Variants in SLC18A1 observed in about 807,000 individuals in gnomAD.
SLC18A1 encodes the protein solute carrier family 18 member A1.
SLC18A1 carries 69 observed loss-of-function variants against 53.7 expected under a neutral mutation model. The ratio of observed to expected loss-of-function variants is 1.28; its 90% CI spans 1.06 to 1.57. The LOEUF (loss-of-function observed/expected upper bound fraction) is 1.57. SLC18A1 is among the 40% of genes most tolerant of loss of function. The pLI, the probability that SLC18A1 is intolerant of heterozygous loss-of-function variation, is 0.00. For missense variants in SLC18A1, 932 were observed against 668.1 expected (o/e 1.40, Z -4.35); for synonymous variants, 320 against 248.1 (o/e 1.29, Z -2.72).
intron 8 of SLC18A1, among the ~76,000 whole-genome samples, chr8:20,170,746 T>A (rs1025766449): frequency 6.6e-6 from 1 of 150,924 alleles, no homozygotes; most frequent in African/African-American, 2.4e-5. Context: ...TAGCTATAAT[T>A]ACATGTGTGT....
At chr8:20,159,676 A>G (rs1016882700) in intron 10 of SLC18A1, among the ~76,000 whole-genome samples, 12 of 151,266 alleles carry the variant, frequency 7.9e-5, no homozygotes, top group African/African-American at 2.9e-4. Flanking sequence ...AAGAAAAAGA[A>G]AAGAAAAGAA....
chr8:20,175,234 T>G (rs1364738087), intron 4 of SLC18A1: 1 of 152,156 alleles, frequency 6.6e-6, no homozygotes, highest in African/African-American at 2.4e-5. Context: ...ACATCTCCAT[T>G]ATCCTATTCT....
At chr8:20,148,372 C>G (rs1415334375) in intron 12 of SLC18A1, 5 of 1,014,962 alleles carry the variant, frequency 4.9e-6, no homozygotes, top group Admixed American at 2.5e-5. Flanking sequence ...GGGTCTTCCT[C>G]TGTTCCATGG....
intron 7 of SLC18A1, 86 bp downstream of exon 7, chr8:20,171,319 T>G: frequency 7.4e-7 from 1 of 1,342,958 alleles, no homozygotes; most frequent in Non-Finnish European, 1.1e-6. Flanking sequence ...AAACCGCCCA[T>G]TCTTAGTGAA....
At chr8:20,180,619 AC>A (rs2072400672) in intron 2 of SLC18A1, among the ~76,000 whole-genome samples, 1 of 151,952 alleles carries the variant, frequency 6.6e-6, no homozygotes, top group South Asian at 2.1e-4. Context: ...CCCTCTCTGG[AC>A]CTCCTGCTCT....
At chr8:20,165,222 T>A in intron 8 of SLC18A1, 115 bp from the exon 9 acceptor site, 2 of 902,510 alleles carry the variant, frequency 2.2e-6, no homozygotes, top group Non-Finnish European at 3.5e-6. Context: ...AGTATCTCCT[T>A]TACTGCAGAG....
In SLC18A1 at chr8:20,145,682, G is replaced by T; in HGVS notation, c.*81C>A. On this transcript the variant is annotated 3_prime_UTR_variant, in exon 16 of 16. Coordinates refer to ENST00000276373, the MANE Select transcript of SLC18A1 (RefSeq NM_003053.4). Reference sequence around the variant, plus strand: ...AGAGGTATGTGAAGCCCACTGAGCCGTGGGCTCAGCCATGGTGATCTGGTC... The same window carrying T: ...AGAGGTATGTGAAGCCCACTGAGCCTTGGGCTCAGCCATGGTGATCTGGTC... The T allele has an allele frequency of 1.2e-6, 1 of 828,552 alleles. No individual in the cohort carries two copies. The highest frequency in any genetic ancestry group is 1.9e-6 in the Non-Finnish European group (1 of 515,116). 51.3% of individuals were successfully genotyped at this position (828,552 alleles called of 1,614,324 possible).
intron 8 of SLC18A1, among the ~76,000 whole-genome samples, chr8:20,166,092 C>CTGTA (rs2071950775): frequency 3.3e-5 from 5 of 151,374 alleles, no homozygotes; most frequent in Non-Finnish European, 1.5e-5. Context: ...TACAATAAAC[C>CTGTA]CTTTGACCCA....
At chr8:20,147,191 A>T in intron 15 of SLC18A1, 67 bp downstream of exon 15, 1 of 1,522,932 alleles carries the variant, frequency 6.6e-7, no homozygotes, top group Non-Finnish European at 8.8e-7. Context: ...CCAGGATGAA[A>T]GGGAATGAGA....
rs919970958 is a variant in SLC18A1 at position 20,161,489 on chromosome 8, C to T, written c.1015+3380G>A. ...GAAATGATTATAGTACATGGAAGTA[C>T]GTGTGTAGATTATATGCAAATACGA... On this transcript the variant is annotated intron_variant, in intron 10 of 15. Transcript: ENST00000276373. 5.3e-5 allele frequency among the ~76,000 whole-genome samples: 8 copies of T among 152,240 alleles called. No individual in the cohort carries two copies. The South Asian group carries it at 1.0e-3, about 20-fold the overall frequency.
rs1347742469 is a variant in SLC18A1 at position 20,149,724 on chromosome 8, C to T, written c.1098G>A (p.Trp366Ter). The change falls in exon 12 of 16, where the codon TGG (tryptophan) becomes TGA (stop). Residue 366 changes from tryptophan to a stop codon, truncating the protein, a stop_gained. Coordinates refer to ENST00000276373, the MANE Select transcript of SLC18A1 (RefSeq NM_003053.4). LOFTEE classifies it high-confidence loss of function. ...CCAGCATCCCGATTAGGGAACACAG[C>T]CACCTGGAAGAAAAAAGCCATCATC... ...FGVLANKMGR[W>*]LCSLIGMLVV... The T allele has an allele frequency of 2.5e-6, 4 of 1,613,764 alleles. No individual in the cohort carries two copies. Among genetic ancestry groups the T allele is most frequent in the Middle Eastern group, 1.7e-4 (1 of 6,060 alleles).
chr8:20,168,548 A>C (rs2072031141), intron 8 of SLC18A1, among the ~76,000 whole-genome samples: 1 of 152,042 alleles, frequency 6.6e-6, no homozygotes, highest in South Asian at 2.1e-4. Flanking sequence ...ATATAAAGAG[A>C]GTAAGAAAGG....
chr8:20,160,082 A>G (rs891954818), intron 10 of SLC18A1, among the ~76,000 whole-genome samples: 2 of 151,954 alleles, frequency 1.3e-5, no homozygotes, highest in African/African-American at 2.4e-5. Flanking sequence ...ACAATCAACC[A>G]TTTATTGGCT....
chr8:20,172,784 G>A (rs537062134), intron 6 of SLC18A1, among the ~76,000 whole-genome samples: 12 of 152,340 alleles, frequency 7.9e-5, no homozygotes, highest in African/African-American at 2.9e-4. Context: ...CCGAGGCGAA[G>A]CAGTGGCCTC....
intron 12 of SLC18A1, 106 bp from the exon 13 acceptor site, chr8:20,148,176 G>T: frequency 1.1e-6 from 1 of 931,116 alleles, no homozygotes; most frequent in Non-Finnish European, 1.7e-6. Flanking sequence ...TGCACTATTG[G>T]CCACATACAT....
chr8:20,162,373 T>A (rs1025905651), intron 10 of SLC18A1, among the ~76,000 whole-genome samples: 2 of 152,226 alleles, frequency 1.3e-5, no homozygotes, highest in African/African-American at 4.8e-5. Context: ...CTTGGTGTGC[T>A]CTCCTAAAGA....
At chr8:20,146,285 TG>T (rs941850314) in intron 15 of SLC18A1, among the ~76,000 whole-genome samples, 6 of 152,156 alleles carry the variant, frequency 3.9e-5, no homozygotes, top group African/African-American at 1.4e-4. Context: ...AGGCTGGCAT[TG>T]CTAAGTACTC....
chr8:20,167,525 G>C (rs904819725), intron 8 of SLC18A1, among the ~76,000 whole-genome samples: 5 of 152,036 alleles, frequency 3.3e-5, no homozygotes, highest in African/African-American at 1.2e-4. Context: ...GTACAAACTT[G>C]TGTGTGTGTA....
At chr8:20,164,094 C>G (rs529003404) in intron 10 of SLC18A1, among the ~76,000 whole-genome samples, 12 of 152,288 alleles carry the variant, frequency 7.9e-5, no homozygotes, top group Admixed American at 7.2e-4. Flanking sequence ...AGATTTAGTG[C>G]TTTTTATTGC....
Sources: gnomAD v4.1 joint callset for allele counts (sites outside exome capture counted in the v4.1 genomes callset) on GRCh38, gnomAD v4.1.1 for gene constraint, MANE v1.5 for transcripts, NCBI Gene and HGNC (gene_info 2026-07-23, HGNC 2026-07-21) for gene names.